Variants in LAMA2 observed in about 807,000 individuals in gnomAD.
LAMA2 encodes the protein laminin subunit alpha-2.
In LAMA2, 269 loss-of-function variants were observed where a neutral mutation model predicts 364.8. The ratio of observed to expected loss-of-function variants is 0.74; its 90% confidence interval spans 0.67 to 0.82. The LOEUF (loss-of-function observed/expected upper bound fraction) is 0.82, where lower values mean the gene tolerates loss of function less well. Among genes scored for constraint, LAMA2 ranks in the 40% least tolerant of loss-of-function variants. The probability of loss-of-function intolerance (pLI) is 0.00; values close to 1 mark genes in which losing one functional copy is unlikely to be tolerated. For synonymous variants in LAMA2, 1,379 were observed against 1,370.6 expected (o/e 1.01, Z -0.14); for missense variants, 3,807 against 3,873.2 (o/e 0.98, Z 0.45).
chr6:129,169,827 C>A (rs1406839556), intron 9 of LAMA2, among the ~76,000 whole-genome samples: 2 of 143,574 alleles, frequency 1.4e-5, no homozygotes. Context: ...TTGATTATTG[C>A]CACAATTTCA....
intron 60 of LAMA2, among the ~76,000 whole-genome samples, chr6:129,503,785 A>C (rs1036738556): frequency 6.6e-6 from 1 of 152,212 alleles, no homozygotes; most frequent in African/African-American, 2.4e-5. Flanking sequence ...GGTCTGTGAA[A>C]ACCAGGAATC....
chr6:129,238,727 C>T (rs1201344255), intron 12 of LAMA2, among the ~76,000 whole-genome samples: 2 of 152,076 alleles, frequency 1.3e-5, no homozygotes, highest in African/African-American at 2.4e-5. Context: ...CTTAGAGCCA[C>T]GATTGCTCCA....
chr6:128,883,339 C>G lies in LAMA2; in HGVS notation c.94C>G (p.Gln32Glu). 1 of 1,598,478 alleles carries G rather than the reference C, an allele frequency of 6.3e-7. No homozygotes were observed. The highest frequency in any genetic ancestry group is 8.5e-7 in the Non-Finnish European group (1 of 1,172,812). The change falls in exon 1 of 65, where the codon CAG becomes GAG. Residue 32 changes from glutamine to glutamate, a missense_variant. By Grantham distance (29) the Gln-to-Glu change is conservative. Coordinates refer to ENST00000421865, the MANE Select transcript of LAMA2 (RefSeq NM_000426.4). ...GCGGCCGCAGCAGCAGCGGCAGTCA[C>G]AGGCACATCAGCAAAGAGGTACAGT... ...AQRPQQQRQS[Q>E]AHQQRGLFPA... is the part of the protein sequence containing the mutation.
intron 17 of LAMA2, among the ~76,000 whole-genome samples, chr6:129,274,927 AGTT>A (rs1440619479): frequency 6.6e-6 from 1 of 151,986 alleles, no homozygotes; most frequent in Admixed American, 6.6e-5. Context: ...ATATTATTGA[AGTT>A]GTTATAGATT....
intron 19 of LAMA2, among the ~76,000 whole-genome samples, chr6:129,290,846 T>G (rs1266813584): frequency 6.6e-6 from 1 of 152,188 alleles, no homozygotes; most frequent in Non-Finnish European, 1.5e-5. Flanking sequence ...ATGAAATATG[T>G]TTTGTATGTT....
Position 129,366,072 on chromosome 6 carries a change from T to A in LAMA2, c.4718-147T>A, listed in dbSNP as rs1777756397. On this transcript the variant is annotated intron_variant, in intron 32 of 64. Coordinates refer to ENST00000421865, the MANE Select transcript of LAMA2 (RefSeq NM_000426.4). Reference sequence around the variant, plus strand: ...CTTATCTTTCCTCAACCATCATCCATTTGATAGCATTAATATTCTGAGATG... The same window carrying A: ...CTTATCTTTCCTCAACCATCATCCAATTGATAGCATTAATATTCTGAGATG... The A allele has an allele frequency of 3.6e-6, 3 of 841,414 alleles. No individual in the cohort carries two copies. In the East Asian group the frequency reaches 7.5e-5, roughly 21 times the overall value. The allele number at this position is 841,414 out of a possible 1,614,324, so 52.1% of individuals were successfully genotyped here. A position where few individuals can be genotyped will look rare whatever the true frequency, so the allele number is the denominator to read the frequency against.
intron 10 of LAMA2, among the ~76,000 whole-genome samples, chr6:129,182,998 A>G (rs1781020006): frequency 6.6e-6 from 1 of 151,972 alleles, no homozygotes; most frequent in African/African-American, 2.4e-5. Context: ...TGTCAACTAC[A>G]TTATTACATT....
chr6:129,295,178 A>G (rs1371167130), intron 20 of LAMA2, among the ~76,000 whole-genome samples: 1 of 152,214 alleles, frequency 6.6e-6, no homozygotes, highest in Non-Finnish European at 1.5e-5. Flanking sequence ...TCTGTGCCTC[A>G]GTTTCACCAC....
In LAMA2 at chr6:129,403,976, A is replaced by T. The variant is rs1197797147; in HGVS notation, c.5865+17A>T. ...ACAAAACTGGTAAGAAACAAATGGC[A>T]CATGTGCTGGGAATGGAAGTCAACC... On this transcript the variant is annotated intron_variant, in intron 40 of 64. Coordinates refer to ENST00000421865, the MANE Select transcript of LAMA2 (RefSeq NM_000426.4). The T allele has an allele frequency of 6.2e-7, 1 of 1,613,680 alleles. No individual in the cohort carries two copies. Among genetic ancestry groups the T allele is most frequent in the East Asian group, 2.2e-5 (1 of 44,850 alleles).
intron 1 of LAMA2, among the ~76,000 whole-genome samples, chr6:128,953,637 A>G (rs1186758489): frequency 6.6e-6 from 1 of 151,350 alleles, no homozygotes; most frequent in Non-Finnish European, 1.5e-5. Flanking sequence ...ATGTATGTCT[A>G]TATATATATG....
At chr6:129,301,027 G>C (rs980237448) in intron 22 of LAMA2, among the ~76,000 whole-genome samples, 155 bp downstream of exon 22, 1 of 152,098 alleles carries the variant, frequency 6.6e-6, no homozygotes. Flanking sequence ...ATATCTTACA[G>C]TTTACTTGTA....
chr6:129,102,609 A>G (rs1047990871), intron 4 of LAMA2, among the ~76,000 whole-genome samples: 4 of 152,124 alleles, frequency 2.6e-5, no homozygotes, highest in African/African-American at 9.7e-5. Context: ...ATTCTAATAT[A>G]TGGCCTTTTT....
chr6:129,394,353 A>G (rs771310827), intron 37 of LAMA2, among the ~76,000 whole-genome samples: 1 of 152,264 alleles, frequency 6.6e-6, no homozygotes, highest in Non-Finnish European at 1.5e-5. Context: ...ACAATTGAAT[A>G]CAATCAACCA....
chr6:128,890,023 C>T (rs977126649), intron 1 of LAMA2, among the ~76,000 whole-genome samples: 5 of 152,120 alleles, frequency 3.3e-5, no homozygotes, highest in Admixed American at 6.6e-5. Context: ...ATGAAAACCT[C>T]AGGAGCTATT....
At chr6:129,443,425 G>A (rs1263689074) in intron 44 of LAMA2, among the ~76,000 whole-genome samples, 1 of 151,964 alleles carries the variant, frequency 6.6e-6, no homozygotes, top group East Asian at 1.9e-4. Flanking sequence ...TCTACAAAAA[G>A]GAAAAATGAG....
rs1425657117 is a variant in LAMA2, at chr6:129,393,309, G to A, written c.5445+54G>A. ...TCTCAGAAGGTTGGGGACTGCGGGG[G>A]CAGTGTTGAACATGGCTGGACTATT... is the stretch of plus-strand genomic sequence containing the variant. On this transcript the variant is annotated intron_variant, in intron 37 of 64. Coordinates refer to ENST00000421865, the MANE Select transcript of LAMA2 (RefSeq NM_000426.4). 4.4e-6 allele frequency: 6 copies of A among 1,353,896 alleles called. No homozygotes were observed. The East Asian group carries it at 6.9e-5, about 16-fold the overall frequency. 83.9% of individuals were successfully genotyped at this position (1,353,896 alleles called of 1,614,324 possible).
chr6:129,270,686 G>A lies in LAMA2; in HGVS notation c.2385G>A (p.Glu795=), dbSNP rs758788626. The change falls in exon 17 of 65, where the codon GAG becomes GAA. Residue 795 remains glutamate, a synonymous_variant. Coordinates refer to ENST00000421865, the MANE Select transcript of LAMA2 (RefSeq NM_000426.4). ...AATGTCTTCCTGGTTTCTATGGCGAGCCTACTAAAGGAACCTCTGAAGACT... is the reference window on the plus strand; with the variant it reads ...AATGTCTTCCTGGTTTCTATGGCGAACCTACTAAAGGAACCTCTGAAGACT... ...CDKCLPGFYG[E]PTKGTSEDCQ... 1 of 1,613,062 alleles carries A rather than the reference G, an allele frequency of 6.2e-7. No homozygotes were observed. The highest frequency in any genetic ancestry group is 8.5e-7 in the Non-Finnish European group (1 of 1,179,372).
At chr6:129,306,313 C>CTTTTTTTTT (rs11315443) in intron 22 of LAMA2, among the ~76,000 whole-genome samples, 5 of 70,406 alleles carry the variant, frequency 7.1e-5, no homozygotes, top group Admixed American at 1.5e-4. Flanking sequence ...TAATTTTTTC[C>CTTTTTTTTT]TTTTTTTTTT....
chr6:129,047,097 C>G (rs574057452), intron 1 of LAMA2, among the ~76,000 whole-genome samples: 1 of 152,084 alleles, frequency 6.6e-6, no homozygotes, highest in African/African-American at 2.4e-5. Context: ...TAGATAATGG[C>G]GTGGAGACCA....
Sources: allele counts gnomAD v4.1 joint callset (sites outside exome capture counted in the v4.1 genomes callset), GRCh38; gene constraint gnomAD v4.1.1; transcripts MANE v1.5; gene names NCBI Gene and HGNC (gene_info 2026-07-23, HGNC 2026-07-21).